The following SPIDR variants were observed in gnomAD, a reference collection of about 807,000 sequenced individuals.
SPIDR encodes DNA repair-scaffolding protein.
A neutral mutation model predicts 104.6 loss-of-function variants in SPIDR; 93 were observed. The observed-to-expected ratio is 0.89, with a 90% CI of 0.75 to 1.06. The LOEUF (loss-of-function observed/expected upper bound fraction) is 1.06. Among genes scored for constraint, SPIDR ranks in the 50% least tolerant of loss-of-function variants. The pLI is 0.00. For missense variants in SPIDR, 1,154 were observed against 1,111.2 expected, an observed-to-expected ratio of 1.04 and a Z score of -0.55; for synonymous variants, 431 against 416.9, an observed-to-expected ratio of 1.03 and a Z score of -0.41.
chr8:47,485,202 C>A (rs1292311550), intron 8 of SPIDR, among the ~76,000 whole-genome samples: 1 of 152,204 alleles, frequency 6.6e-6, no homozygotes, highest in Non-Finnish European at 1.5e-5. Flanking sequence ...GAGATTATAT[C>A]CCGTGCAAGG....
At chr8:47,424,395 C>A (rs1386828686) in intron 7 of SPIDR, among the ~76,000 whole-genome samples, 1 of 152,162 alleles carries the variant, frequency 6.6e-6, no homozygotes. Context: ...GCCTTAACCG[C>A]CTGGGCTCAA....
chr8:47,392,052 G>A (rs1588100089), intron 5 of SPIDR, among the ~76,000 whole-genome samples: 1 of 149,136 alleles, frequency 6.7e-6, no homozygotes, highest in Non-Finnish European at 1.5e-5. Flanking sequence ...AGTTTTAACA[G>A]AAAAATAAGT....
intron 10 of SPIDR, among the ~76,000 whole-genome samples, chr8:47,651,149 C>A (rs1385270481): frequency 6.6e-6 from 1 of 152,034 alleles, no homozygotes; most frequent in Non-Finnish European, 1.5e-5. Context: ...AATCATCAAA[C>A]AGACAACTCA....
intron 10 of SPIDR, among the ~76,000 whole-genome samples, chr8:47,624,819 C>G (rs2065783284): frequency 6.6e-6 from 1 of 152,160 alleles, no homozygotes; most frequent in African/African-American, 2.4e-5. Context: ...CAAGGAGGAG[C>G]TGGTACCATT....
intron 5 of SPIDR, among the ~76,000 whole-genome samples, chr8:47,360,007 C>T (rs1430495812): frequency 6.6e-6 from 1 of 151,970 alleles, no homozygotes; most frequent in Non-Finnish European, 1.5e-5. Flanking sequence ...CTTTGGGAGG[C>T]CGAGGCGGGC....
chr8:47,633,209 G>A (rs1054631132), intron 10 of SPIDR, among the ~76,000 whole-genome samples: 2 of 152,192 alleles, frequency 1.3e-5, no homozygotes, highest in Admixed American at 1.3e-4. Context: ...GTCATGATAA[G>A]TGTCTGTAAT....
Position 47,296,323 on chromosome 8 carries a change from T to G in SPIDR, c.525+2293T>G, listed in dbSNP as rs367824904. Among the ~76,000 whole-genome samples the G allele has an allele frequency of 3.8e-3, 577 of 152,324 alleles. 3 individuals are homozygous for G. Among genetic ancestry groups the G allele is most frequent in the South Asian group, 0.022 (108 of 4,830 alleles). On this transcript the variant is annotated intron_variant, in intron 5 of 19. Coordinates refer to ENST00000297423, the MANE Select transcript of SPIDR (RefSeq NM_001080394.4). The stretch of plus-strand genomic sequence containing the variant: ...GTTGTCAGTGCTTTTAGGGTAATAT[T>G]TAAGAAATCTTTGCCCAGACCAGTG...
rs565915812 is a variant in SPIDR, at chr8:47,472,972, C to A, written c.1097+32430C>A. 1.8e-4 allele frequency among the ~76,000 whole-genome samples: 28 copies of A among 152,242 alleles called. No individual in the cohort carries two copies. In the South Asian group the frequency reaches 5.4e-3, roughly 29 times the overall value. ...TTTCTGGCCGTGGTCTTCTGGGGGTCGGGTGTTAACCAGCACACCCATGAG... is the reference window on the plus strand; with the variant it reads ...TTTCTGGCCGTGGTCTTCTGGGGGTAGGGTGTTAACCAGCACACCCATGAG... On this transcript the variant is annotated intron_variant, in intron 8 of 19. Transcript: ENST00000297423.
intron 10 of SPIDR, among the ~76,000 whole-genome samples, chr8:47,618,928 T>G (rs2064735067): frequency 6.6e-6 from 1 of 152,234 alleles, no homozygotes; most frequent in South Asian, 2.1e-4. Context: ...GTGTTACCAT[T>G]TGGTTAAAAC....
At chr8:47,733,393 A>G (rs1347945416) in intron 19 of SPIDR, among the ~76,000 whole-genome samples, 2 of 152,234 alleles carry the variant, frequency 1.3e-5, no homozygotes, top group African/African-American at 2.4e-5. Flanking sequence ...TCTCAAAAAA[A>G]GTAATAAAAA....
intron 16 of SPIDR, among the ~76,000 whole-genome samples, chr8:47,726,151 C>T (rs2084206230): frequency 6.6e-6 from 1 of 152,248 alleles, no homozygotes; most frequent in South Asian, 2.1e-4. Context: ...CTTTTCATCC[C>T]TTTGACCCAC....
chr8:47,404,285 C>T (rs930856146), intron 6 of SPIDR, among the ~76,000 whole-genome samples: 4 of 152,216 alleles, frequency 2.6e-5, no homozygotes, highest in Admixed American at 6.5e-5. Context: ...AGGCCATAGG[C>T]AAGGGCAAGG....
chr8:47,650,443 T>C (rs145550988), intron 10 of SPIDR, among the ~76,000 whole-genome samples: 17 of 152,240 alleles, frequency 1.1e-4, no homozygotes, highest in African/African-American at 4.1e-4. Flanking sequence ...CTGCTGGAAA[T>C]GATCATAGAT....
At chr8:47,550,068 G>C (rs201944317) in intron 8 of SPIDR, among the ~76,000 whole-genome samples, 1 of 152,082 alleles carries the variant, frequency 6.6e-6, no homozygotes, top group African/African-American at 2.4e-5. Context: ...CAAAGATCAG[G>C]TGGTTGTAGA....
At chr8:47,554,117 G>A (rs114409490) in intron 8 of SPIDR, among the ~76,000 whole-genome samples, 151 of 152,154 alleles carry the variant, frequency 9.9e-4, no homozygotes, top group Middle Eastern at 3.4e-3. Flanking sequence ...TCAGATCTTC[G>A]TCTCAGTGGG....
Position 47,287,511 on chromosome 8 carries a change from A to G in SPIDR, c.256+3417A>G, listed in dbSNP as rs934149605. ...ATTTCAGTTCTTATCCCAACCGCAT[A>G]AGACAGACACTCCCAGAGTGGCCGT... On this transcript the variant is annotated intron_variant, in intron 3 of 19. Transcript: ENST00000297423. Among the ~76,000 whole-genome samples the G allele has an allele frequency of 4.6e-5, 7 of 152,252 alleles. No individual in the cohort carries two copies. In the East Asian group the frequency reaches 1.4e-3, roughly 29 times the overall value.
intron 8 of SPIDR, among the ~76,000 whole-genome samples, chr8:47,556,537 A>C (rs2091346243): frequency 6.6e-6 from 1 of 152,206 alleles, no homozygotes; most frequent in South Asian, 2.1e-4. Flanking sequence ...GATATTTAGG[A>C]GTAGAAGTTG....
intron 8 of SPIDR, chr8:47,527,721 A>G (rs1358376450): frequency 6.6e-6 from 1 of 152,252 alleles, no homozygotes; most frequent in Non-Finnish European, 1.5e-5. Context: ...CCCCACTGGC[A>G]CCAGTCTTGG....
chr8:47,328,636 G>A (rs1438132621), intron 5 of SPIDR, among the ~76,000 whole-genome samples: 8 of 152,008 alleles, frequency 5.3e-5, no homozygotes, highest in African/African-American at 7.2e-5. Context: ...CTGGCAGGTC[G>A]TGACACCCTT....
Sources: gnomAD v4.1 joint callset for allele counts (sites outside exome capture counted in the v4.1 genomes callset) on GRCh38, gnomAD v4.1.1 for gene constraint, MANE v1.5 for transcripts, NCBI Gene and HGNC (gene_info 2026-07-23, HGNC 2026-07-21) for gene names.